Variants in TMEM108 observed in about 807,000 individuals in gnomAD.
TMEM108 encodes cancer/testis antigen 124.
In TMEM108, 12 loss-of-function variants were observed where a neutral mutation model predicts 35.1. The ratio of observed to expected loss-of-function variants is 0.34; its 90% CI spans 0.22 to 0.55. The LOEUF (loss-of-function observed/expected upper bound fraction) is 0.55, where lower values mean the gene tolerates loss of function less well. Ranked by LOEUF, TMEM108 falls within the 20% of genes least tolerant of loss-of-function variation. The probability of loss-of-function intolerance (pLI) is 0.89; values close to 1 mark genes in which losing one functional copy is unlikely to be tolerated. For missense variants in TMEM108, 680 were observed against 753.3 expected (o/e 0.90, Z 1.14); for synonymous variants, 287 against 308.6 (o/e 0.93, Z 0.73).
At chr3:133,353,248 G>T (rs1417435654) in intron 3 of TMEM108, among the ~76,000 whole-genome samples, 1 of 152,074 alleles carries the variant, frequency 6.6e-6, no homozygotes, top group Non-Finnish European at 1.5e-5. Context: ...GGAAGTCAGG[G>T]TATTAATAAT....
intron 2 of TMEM108, among the ~76,000 whole-genome samples, chr3:133,181,459 C>G (rs886713152): frequency 6.6e-6 from 1 of 152,076 alleles, no homozygotes; most frequent in Non-Finnish European, 1.5e-5. Flanking sequence ...ATCTTTCTTC[C>G]TTAGTTCTAT....
chr3:133,261,200 A>G (rs1193976168), intron 3 of TMEM108, among the ~76,000 whole-genome samples: 1 of 152,222 alleles, frequency 6.6e-6, no homozygotes, highest in Admixed American at 6.5e-5. Flanking sequence ...TGCTAGGCAT[A>G]GATAAGTGTT....
chr3:133,264,010 A>G (rs1318532033), intron 3 of TMEM108, among the ~76,000 whole-genome samples: 1 of 152,216 alleles, frequency 6.6e-6, no homozygotes, highest in South Asian at 2.1e-4. Context: ...TCTACTTTCA[A>G]GAAGTAAATA....
chr3:133,303,803 A>G (rs915151006), intron 3 of TMEM108, among the ~76,000 whole-genome samples: 2 of 152,238 alleles, frequency 1.3e-5, no homozygotes, highest in African/African-American at 4.8e-5. Flanking sequence ...TAAAAAATCT[A>G]TTGGAAAGAC....
intron 3 of TMEM108, among the ~76,000 whole-genome samples, chr3:133,337,301 A>G (rs1434343568): frequency 6.6e-6 from 1 of 152,198 alleles, no homozygotes; most frequent in Non-Finnish European, 1.5e-5. Context: ...GATGGTAGCT[A>G]CAGGGGCGCT....
At chr3:133,169,413 C>T (rs1457444978) in intron 2 of TMEM108, among the ~76,000 whole-genome samples, 2 of 152,246 alleles carry the variant, frequency 1.3e-5, no homozygotes, top group East Asian at 3.9e-4. Context: ...TCTAAAATAT[C>T]TATACAGCAA....
At chr3:133,358,867 G>A (rs1287390319) in intron 3 of TMEM108, among the ~76,000 whole-genome samples, 6 of 152,142 alleles carry the variant, frequency 3.9e-5, no homozygotes, top group Non-Finnish European at 7.3e-5. Context: ...ATGGGAGCAT[G>A]TAGGGAGAAA....
chr3:133,152,314 A>AT (rs1412270742), intron 2 of TMEM108, among the ~76,000 whole-genome samples: 1 of 152,148 alleles, frequency 6.6e-6, no homozygotes, highest in African/African-American at 2.4e-5. Context: ...GAAGGAGGCA[A>AT]TATCTGTTTC....
chr3:133,332,473 A>C (rs1320982315), intron 3 of TMEM108, among the ~76,000 whole-genome samples: 3 of 152,224 alleles, frequency 2.0e-5, no homozygotes, highest in African/African-American at 7.2e-5. Context: ...GAGAGTTGTA[A>C]TATGTGGCAG....
chr3:133,195,240 C>T (rs1219445797), intron 2 of TMEM108, among the ~76,000 whole-genome samples: 2 of 152,042 alleles, frequency 1.3e-5, no homozygotes, highest in Admixed American at 6.6e-5. Flanking sequence ...AAGGTAATAC[C>T]GTGTCTCATT....
At position 133,300,994 on chromosome 3, in the gene TMEM108, A is replaced by G. The variant is rs1245655895; in HGVS notation, c.40+71643A>G. 3.1e-3 allele frequency among the ~76,000 whole-genome samples: 162 copies of G among 52,268 alleles called. 4 individuals carry two copies. Among genetic ancestry groups the G allele is most frequent in the African/African-American group, 9.3e-3 (156 of 16,830 alleles). 34.3% of individuals were successfully genotyped at this position (52,268 alleles called of 152,430 possible). Reference sequence around the variant, plus strand: ...CCCCAGTACACACACACACACACACACACACACACACACACACACACACAC... The same window carrying G: ...CCCCAGTACACACACACACACACACGCACACACACACACACACACACACAC... On this transcript the variant is annotated intron_variant, in intron 3 of 5. Coordinates refer to ENST00000321871, the MANE Select transcript of TMEM108 (RefSeq NM_023943.4).
intron 3 of TMEM108, among the ~76,000 whole-genome samples, chr3:133,309,084 T>C (rs60293472): frequency 0.34 from 51,847 of 152,004 alleles, 9,159 homozygotes; most frequent in East Asian, 0.48. Flanking sequence ...CCTGGTTTAG[T>C]CTTGGGAGGG....
At chr3:133,093,900 T>C (rs562818928) in intron 2 of TMEM108, among the ~76,000 whole-genome samples, 123 of 152,288 alleles carry the variant, frequency 8.1e-4, no homozygotes, top group African/African-American at 2.9e-3. Context: ...ACTTTTCTGC[T>C]TATTCAACCC....
intron 2 of TMEM108, among the ~76,000 whole-genome samples, chr3:133,061,581 G>A (rs963107150): frequency 1.3e-5 from 2 of 152,204 alleles, no homozygotes; most frequent in Non-Finnish European, 2.9e-5. Context: ...CCAAGTGCTT[G>A]CAGCATCGTC....
chr3:133,162,463 AC>A (rs1944974998), intron 2 of TMEM108, among the ~76,000 whole-genome samples: 2 of 152,200 alleles, frequency 1.3e-5, no homozygotes, highest in African/African-American at 4.8e-5. Context: ...GGTAACAGTG[AC>A]CCTGATTCCT....
In TMEM108 at chr3:133,396,951, A is replaced by ATCTT. The variant is rs1307763497; in HGVS notation, c.*967_*970dup. The ATCTT allele has an allele frequency of 2.6e-5, 4 of 152,108 alleles. No homozygotes were observed. The highest frequency in any genetic ancestry group is 9.7e-5 in the African/African-American group (4 of 41,400). The allele number at this position is 152,108 out of a possible 1,614,324, so 9.4% of individuals were successfully genotyped here. A position where few individuals can be genotyped will look rare whatever the true frequency, so the allele number is the denominator to read the frequency against. On this transcript the variant is annotated 3_prime_UTR_variant, in exon 6 of 6. Transcript: ENST00000321871. ...TAATTTTTGAAACCTTCCTCCTGCA[A>ATCTT]TCTTTAAAAAAGAAAAAAAAGATTG...
At chr3:133,310,526 C>T (rs2071111462) in intron 3 of TMEM108, among the ~76,000 whole-genome samples, 1 of 116,378 alleles carries the variant, frequency 8.6e-6, no homozygotes, top group African/African-American at 3.3e-5. Context: ...GATTGCAACC[C>T]CTGCTTTTTT....
intron 3 of TMEM108, among the ~76,000 whole-genome samples, chr3:133,306,607 G>A (rs2699871): frequency 0.97 from 146,862 of 152,186 alleles, 71,081 homozygotes; most frequent in East Asian, 1. Flanking sequence ...ATGAGTGAGA[G>A]CATGCGGTGT....
chr3:133,149,789 T>G (rs536586256), intron 2 of TMEM108, among the ~76,000 whole-genome samples: 3 of 152,270 alleles, frequency 2.0e-5, no homozygotes, highest in Non-Finnish European at 4.4e-5. Context: ...TATTTTTTAC[T>G]CATTCATGTA....
Sources: allele counts gnomAD v4.1 joint callset (sites outside exome capture counted in the v4.1 genomes callset), GRCh38; gene constraint gnomAD v4.1.1; transcripts MANE v1.5; gene names NCBI Gene and HGNC (gene_info 2026-07-23, HGNC 2026-07-21).